CELF2: variants seen among roughly 807,000 people sequenced by gnomAD.
CELF2 encodes the protein CUG triplet repeat RNA-binding protein 2.
CELF2 carries 8 observed loss-of-function variants against 62.6 expected under a neutral mutation model. The ratio of observed to expected loss-of-function variants is 0.13; its 90% CI spans 0.07 to 0.23. The LOEUF is 0.23. CELF2 is among the 10% of genes least tolerant of loss of function. The pLI is 1.00. For missense variants in CELF2, 333 were observed against 671.0 expected, an observed-to-expected ratio of 0.50 and a Z score of 5.56; for synonymous variants, 258 against 250.0, an observed-to-expected ratio of 1.03 and a Z score of -0.30.
In CELF2 at chr10:11,211,185, G is replaced by A. The variant is rs1448419534; in HGVS notation, c.272-6240G>A. Among the ~76,000 whole-genome samples, 2 of 152,204 alleles carry A rather than the reference G, an allele frequency of 1.3e-5. No individual in the cohort carries two copies. Among genetic ancestry groups the A allele is most frequent in the Non-Finnish European group, 2.9e-5 (2 of 68,038 alleles). On this transcript the variant is annotated intron_variant, in intron 2 of 12. Coordinates refer to ENST00000633077, the MANE Select transcript of CELF2 (RefSeq NM_001326342.2). This position sits in a 1 kb window ranked among gnomAD's most constrained non-coding sequence, Gnocchi z 4.8. ...CCTGGATACTCAGCAGCCTACAGTG[G>A]AGAAGATGACTTTAGCTCAGGAGTT...
At position 11,274,429 on chromosome 10, in the gene CELF2, T is replaced by C. The variant is rs550036977; in HGVS notation, c.778-628T>C. Among the ~76,000 whole-genome samples the C allele has an allele frequency of 5.9e-5, 9 of 152,326 alleles. No homozygotes were observed. In the South Asian group the frequency reaches 1.2e-3, roughly 21 times the overall value. On this transcript the variant is annotated intron_variant, in intron 7 of 12. Transcript: ENST00000633077. The stretch of plus-strand genomic sequence containing the variant: ...ATAGGTATATTAATGTTTTTGAAGA[T>C]TGACATTTACAACGCGTGACTTCGA...
At chr10:10,817,324 A>C (rs891098732) in intron 1 of CELF2, among the ~76,000 whole-genome samples, 1 of 152,226 alleles carries the variant, frequency 6.6e-6, no homozygotes, top group Non-Finnish European at 1.5e-5. Context: ...CAAACAAGCC[A>C]ATAGCACTCT....
intron 9 of CELF2, among the ~76,000 whole-genome samples, chr10:11,301,210 G>A (rs769283376): frequency 6.6e-6 from 1 of 151,968 alleles, no homozygotes; most frequent in Non-Finnish European, 1.5e-5. Flanking sequence ...TCTCCCTTTC[G>A]TCGTGGATCT....
chr10:11,165,202 CT>C lies in CELF2; in HGVS notation c.75-283del. On this transcript the variant is annotated intron_variant, in intron 1 of 12. Transcript: ENST00000633077. This position sits in a 1 kb window ranked among gnomAD's most constrained non-coding sequence, Gnocchi z 7.4. ...CTTAACTTGCAGCTGCCTCCCGAGCCTCCAAGATGTCCACGCCCTGGGTGAC... is the reference window on the plus strand; with the variant it reads ...CTTAACTTGCAGCTGCCTCCCGAGCCCCAAGATGTCCACGCCCTGGGTGAC... 1 of 1,250,192 alleles carries C rather than the reference CT, an allele frequency of 8.0e-7. No homozygotes were observed. Among genetic ancestry groups the C allele is most frequent in the Non-Finnish European group, 1.0e-6 (1 of 992,518 alleles). 77.4% of individuals were successfully genotyped at this position (1,250,192 alleles called of 1,614,324 possible). A position where few individuals can be genotyped will look rare whatever the true frequency, so the allele number is the denominator to read the frequency against.
chr10:11,184,999 GTAATGTA>G (rs1340302770), intron 2 of CELF2, among the ~76,000 whole-genome samples: 2 of 152,186 alleles, frequency 1.3e-5, no homozygotes, highest in African/African-American at 2.4e-5. Flanking sequence ...AAAGCATGAT[GTAATGTA>G]TAGGTTTTTC....
the CELF2 span, among the ~76,000 whole-genome samples, chr10:10,564,684 A>ACACACACACGCACACACG: frequency 9.5e-6 from 1 of 105,614 alleles, no homozygotes; most frequent in African/African-American, 4.6e-5. Context: ...GCACACACGC[A>ACACACACACGCACACACG]CACACACACA....
At chr10:10,853,124 G>A (rs577429687) in intron 1 of CELF2, among the ~76,000 whole-genome samples, 213 of 152,254 alleles carry the variant, frequency 1.4e-3, no homozygotes, top group African/African-American at 4.9e-3. Flanking sequence ...AACTACAGGT[G>A]CACACCACCA....
chr10:11,112,248 C>G (rs2055364344), intron 1 of CELF2, among the ~76,000 whole-genome samples: 1 of 152,194 alleles, frequency 6.6e-6, no homozygotes, highest in Admixed American at 6.5e-5. Flanking sequence ...TCATCTCCAC[C>G]TTGGGAATAA....
In CELF2 at chr10:11,311,558, G is replaced by C. The variant is rs1591284334; in HGVS notation, c.977-2581G>C. Reference sequence around the variant, plus strand: ...ATATTAGCATTATTAGCATACAACAGAAAGGAAATACAGCTAATATGTTTA... The same window carrying C: ...ATATTAGCATTATTAGCATACAACACAAAGGAAATACAGCTAATATGTTTA... On this transcript the variant is annotated intron_variant, in intron 9 of 12. Transcript: ENST00000633077. This position sits in a 1 kb window ranked among gnomAD's most constrained non-coding sequence, Gnocchi z 4.7. Among the ~76,000 whole-genome samples, 1 of 152,186 alleles carries C rather than the reference G, an allele frequency of 6.6e-6. No individual in the cohort carries two copies. The highest frequency in any genetic ancestry group is 1.9e-4 in the East Asian group (1 of 5,188).
chr10:11,115,286 T>G (rs991481590), intron 1 of CELF2, among the ~76,000 whole-genome samples: 5 of 152,236 alleles, frequency 3.3e-5, no homozygotes, highest in African/African-American at 1.2e-4. Context: ...AAAAGGGATG[T>G]GTGTTTTCAC....
chr10:10,471,161 A>G, the CELF2 span, among the ~76,000 whole-genome samples: 7 of 151,704 alleles, frequency 4.6e-5, no homozygotes, highest in African/African-American at 1.2e-4. Flanking sequence ...GTCCCAACAT[A>G]TGGCTTATCT....
the CELF2 span, among the ~76,000 whole-genome samples, chr10:10,650,533 T>A: frequency 8.3e-6 from 1 of 120,406 alleles, no homozygotes; most frequent in Non-Finnish European, 1.8e-5. Flanking sequence ...AGCAAAAAAT[T>A]GAAACAGCCT....
intron 2 of CELF2, among the ~76,000 whole-genome samples, chr10:10,975,828 TTG>T (rs1376349107): frequency 6.6e-6 from 1 of 152,220 alleles, no homozygotes; most frequent in Non-Finnish European, 1.5e-5. Context: ...GAGCAATCTT[TTG>T]TTGAACAGTG....
Position 11,119,864 on chromosome 10 carries a change from T to TCCC in CELF2, c.75-45614_75-45612dup, listed in dbSNP as rs57433204. ...ATTTGCCTGGCTGCTTGATTCCGCC[T>TCCC]CCCCCCCCCCGGCCCCCGCTTTTTT... On this transcript the variant is annotated intron_variant, in intron 1 of 12. Transcript: ENST00000633077. Among the ~76,000 whole-genome samples the TCCC allele has an allele frequency of 1.3e-3, 150 of 112,130 alleles. 2 individuals carry two copies. Among genetic ancestry groups the TCCC allele is most frequent in the African/African-American group, 4.5e-3 (134 of 29,892 alleles). 73.6% of individuals were successfully genotyped at this position (112,130 alleles called of 152,430 possible).
At chr10:11,002,381 G>A (rs1406380121), upstream of CELF2, among the ~76,000 whole-genome samples, 4 of 152,240 alleles carry the variant, frequency 2.6e-5, no homozygotes, top group Middle Eastern at 3.4e-3. This position sits in a 1 kb window ranked among gnomAD's most constrained non-coding sequence, Gnocchi z 4.4. Flanking sequence ...GAGCCAAACC[G>A]TATCACTATC....
At chr10:10,861,304 G>C (rs1475650690) in intron 1 of CELF2, among the ~76,000 whole-genome samples, 1 of 152,106 alleles carries the variant, frequency 6.6e-6, no homozygotes, top group East Asian at 1.9e-4. Flanking sequence ...AAACTCCTGG[G>C]CTCAAGTGAT....
chr10:10,790,276 C>T, the CELF2 span, among the ~76,000 whole-genome samples: 2 of 151,920 alleles, frequency 1.3e-5, no homozygotes, highest in Admixed American at 6.6e-5. Flanking sequence ...TATTTGTTAA[C>T]GTTTGTGCTA....
At chr10:10,906,766 T>A (rs1321463173) in intron 1 of CELF2, among the ~76,000 whole-genome samples, 1 of 134,722 alleles carries the variant, frequency 7.4e-6, no homozygotes, top group Non-Finnish European at 1.5e-5. Context: ...GTCGCCAGGC[T>A]GTAGTGCGGG....
chr10:10,977,540 A>T (rs561357768), intron 2 of CELF2, among the ~76,000 whole-genome samples: 1 of 152,360 alleles, frequency 6.6e-6, no homozygotes, highest in South Asian at 2.1e-4. Flanking sequence ...CCTGGTGTGA[A>T]ATGTACAAAT....
Sources: gnomAD v4.1 joint callset for allele counts (sites outside exome capture counted in the v4.1 genomes callset) on GRCh38, gnomAD v4.1.1 for gene constraint, Gnocchi (gnomAD v3.1) non-coding constraint, MANE v1.5 for transcripts, NCBI Gene and HGNC (gene_info 2026-07-23, HGNC 2026-07-21) for gene names.